Variants in FTO observed in about 807,000 individuals in gnomAD.
FTO encodes alpha-ketoglutarate-dependent dioxygenase FTO.
In FTO, 47 loss-of-function variants were observed where a neutral mutation model predicts 63.9. The observed-to-expected ratio is 0.74, with a 90% confidence interval of 0.58 to 0.94. The LOEUF is 0.94. FTO is among the 40% of genes least tolerant of loss of function. The pLI is 0.00. For missense variants in FTO, 562 were observed against 618.1 expected (o/e 0.91, Z 0.96); for synonymous variants, 207 against 224.4 (o/e 0.92, Z 0.69).
intron 1 of FTO, among the ~76,000 whole-genome samples, chr16:53,741,306 G>A (rs77715413): frequency 0.11 from 15,986 of 152,164 alleles, 967 homozygotes; most frequent in East Asian, 0.26. Context: ...GTGCATTTGC[G>A]TGTGTGTGTT....
At chr16:53,889,000 C>T in intron 7 of FTO, 49 bp downstream of exon 7, 1 of 1,598,110 alleles carries the variant, frequency 6.3e-7, no homozygotes, top group Non-Finnish European at 8.6e-7. Context: ...CTGTGTTATA[C>T]AAATCCTCCA....
chr16:54,102,465 A>G (rs908797637), intron 8 of FTO, among the ~76,000 whole-genome samples: 1 of 152,200 alleles, frequency 6.6e-6, no homozygotes, highest in African/African-American at 2.4e-5. Flanking sequence ...AATCCCAGCT[A>G]TGTAAGAGGC....
chr16:53,813,130 G>T (rs189923712), intron 2 of FTO, among the ~76,000 whole-genome samples: 45 of 152,030 alleles, frequency 3.0e-4, no homozygotes, highest in African/African-American at 1.0e-3. Context: ...CAACTATCAA[G>T]ACTTCTCTGT....
chr16:53,920,392 A>G (rs1412397612), intron 7 of FTO, among the ~76,000 whole-genome samples: 1 of 152,172 alleles, frequency 6.6e-6, no homozygotes, highest in Non-Finnish European at 1.5e-5. Context: ...TGAATCACCA[A>G]AAATAATTTT....
chr16:53,978,562 T>C (rs2083475657), intron 8 of FTO, among the ~76,000 whole-genome samples: 2 of 152,212 alleles, frequency 1.3e-5, no homozygotes, highest in African/African-American at 4.8e-5. Context: ...TCTTGTTCAT[T>C]TGTGGTTTTG....
intron 1 of FTO, among the ~76,000 whole-genome samples, chr16:53,739,249 A>G (rs2076468683): frequency 6.6e-6 from 1 of 152,072 alleles, no homozygotes; most frequent in African/African-American, 2.4e-5. Context: ...TCTGTCGCCC[A>G]GGCTGGAGTG....
At chr16:53,854,104 G>T (rs997795051) in intron 4 of FTO, among the ~76,000 whole-genome samples, 3 of 151,890 alleles carry the variant, frequency 2.0e-5, no homozygotes, top group African/African-American at 7.3e-5. Flanking sequence ...ATGTTTATTG[G>T]CCATTTGTAT....
intron 8 of FTO, among the ~76,000 whole-genome samples, chr16:54,101,816 G>A (rs1039148006): frequency 3.9e-5 from 6 of 152,104 alleles, no homozygotes; most frequent in Non-Finnish European, 7.4e-5. Flanking sequence ...CCCCAACCTC[G>A]CCAGCATCTG....
chr16:53,943,495 A>G (rs2143413650), intron 8 of FTO, among the ~76,000 whole-genome samples: 1 of 152,360 alleles, frequency 6.6e-6, no homozygotes, highest in South Asian at 2.1e-4. Context: ...TTATTTATCC[A>G]ACATACATTT....
At chr16:54,103,401 A>G (rs931948566) in intron 8 of FTO, among the ~76,000 whole-genome samples, 1 of 152,134 alleles carries the variant, frequency 6.6e-6, no homozygotes, top group Non-Finnish European at 1.5e-5. Flanking sequence ...AACACTAACT[A>G]CTAAAAAGGT....
At chr16:54,080,355 C>T (rs1481902806) in intron 8 of FTO, among the ~76,000 whole-genome samples, 3 of 152,162 alleles carry the variant, frequency 2.0e-5, no homozygotes, top group Non-Finnish European at 4.4e-5. Flanking sequence ...TGTCATTGGG[C>T]TAGTCACTGA....
intron 4 of FTO, among the ~76,000 whole-genome samples, chr16:53,862,305 T>C (rs1438189208): frequency 6.6e-6 from 1 of 152,148 alleles, no homozygotes; most frequent in Non-Finnish European, 1.5e-5. Flanking sequence ...TATCGTTCTG[T>C]GACCTCTGAT....
rs528910533 is a variant in FTO, at chr16:54,118,470, C to T, written c.*6555C>T. 7.2e-5 allele frequency: 11 copies of T among 152,088 alleles called. No homozygotes were observed. The highest frequency in any genetic ancestry group is 2.7e-4 in the African/African-American group (11 of 41,474). 9.4% of individuals were successfully genotyped at this position (152,088 alleles called of 1,614,324 possible). On this transcript the variant is annotated 3_prime_UTR_variant, in exon 9 of 9. Transcript: ENST00000471389. ...GACTTCATGGGCTCAAGCGATTCTC[C>T]TGCCTCAGCCTCCTAAGTAGTCGGG...
At chr16:53,845,446 T>C (rs577934696) in intron 4 of FTO, among the ~76,000 whole-genome samples, 4 of 152,362 alleles carry the variant, frequency 2.6e-5, no homozygotes, top group East Asian at 1.9e-4. Flanking sequence ...AATAGCTCTT[T>C]AGGCCATTCT....
intron 8 of FTO, among the ~76,000 whole-genome samples, chr16:54,073,636 G>A (rs891478908): frequency 6.6e-6 from 1 of 151,002 alleles, no homozygotes; most frequent in Non-Finnish European, 1.5e-5. Context: ...TTTTGAGGAG[G>A]GAGGTAGAGA....
chr16:53,915,253 C>G (rs1348210783), intron 7 of FTO, among the ~76,000 whole-genome samples: 2 of 152,150 alleles, frequency 1.3e-5, no homozygotes, highest in African/African-American at 2.4e-5. Context: ...CTGAAGTGAT[C>G]CCTTCTTTCT....
At chr16:53,969,877 T>C (rs1237222010) in intron 8 of FTO, among the ~76,000 whole-genome samples, 1 of 152,156 alleles carries the variant, frequency 6.6e-6, no homozygotes, top group African/African-American at 2.4e-5. Context: ...TAGGGTAACG[T>C]GGCTGTGAAC....
intron 1 of FTO, among the ~76,000 whole-genome samples, chr16:53,767,149 G>A (rs1459923013): frequency 6.6e-6 from 1 of 152,118 alleles, no homozygotes; most frequent in African/African-American, 2.4e-5. Flanking sequence ...ACTGTTATAA[G>A]TGGTGTTTTT....
chr16:53,765,125 G>A (rs182407713), intron 1 of FTO, among the ~76,000 whole-genome samples: 14 of 152,206 alleles, frequency 9.2e-5, no homozygotes, highest in Non-Finnish European at 1.6e-4. Context: ...GTTGCTTCCC[G>A]CATGTTCATT....
Sources: allele counts gnomAD v4.1 joint callset (sites outside exome capture counted in the v4.1 genomes callset), GRCh38; gene constraint gnomAD v4.1.1; transcripts MANE v1.5; gene names NCBI Gene and HGNC (gene_info 2026-07-23, HGNC 2026-07-21).